The following PLD5 variants were observed in gnomAD, a reference collection of about 807,000 sequenced individuals.
PLD5 encodes the protein phospholipase D family member 5.
In PLD5, 36 loss-of-function variants were observed where a neutral mutation model predicts 61.1. The ratio of observed to expected loss-of-function variants is 0.59; its 90% CI spans 0.45 to 0.78. The LOEUF (loss-of-function observed/expected upper bound fraction) is 0.78, where lower values mean the gene tolerates loss of function less well. Among genes scored for constraint, PLD5 ranks in the 30% least tolerant of loss-of-function variants. The pLI is 0.00. For missense variants in PLD5, 515 were observed against 644.4 expected (o/e 0.80, Z 2.17); for synonymous variants, 243 against 242.8 (o/e 1.00, Z -0.01).
At chr1:242,405,912 C>A in intron 1 of PLD5, among the ~76,000 whole-genome samples, 1 of 124,222 alleles carries the variant, frequency 8.1e-6, no homozygotes, top group Non-Finnish European at 1.6e-5. Flanking sequence ...CTATATGATA[C>A]TTTTGACCTA....
chr1:242,427,137 T>G (rs553481960), intron 1 of PLD5, among the ~76,000 whole-genome samples: 1 of 152,302 alleles, frequency 6.6e-6, no homozygotes, highest in South Asian at 2.1e-4. Flanking sequence ...ATAAACTCAC[T>G]GATATTTTGA....
At chr1:242,168,774 G>A (rs913232550) in intron 5 of PLD5, among the ~76,000 whole-genome samples, 1 of 146,450 alleles carries the variant, frequency 6.8e-6, no homozygotes, top group African/African-American at 2.5e-5. Flanking sequence ...AATAGCAGTT[G>A]TTTAAAGGTA....
At chr1:242,385,003 T>C (rs1169460010) in intron 1 of PLD5, among the ~76,000 whole-genome samples, 1 of 152,196 alleles carries the variant, frequency 6.6e-6, no homozygotes, top group Admixed American at 6.5e-5. Flanking sequence ...GATATTCTTT[T>C]GTGCCAAAAA....
chr1:242,217,023 T>C (rs999852894), intron 5 of PLD5, among the ~76,000 whole-genome samples: 1 of 152,254 alleles, frequency 6.6e-6, no homozygotes, highest in African/African-American at 2.4e-5. Context: ...CATGGCTTAC[T>C]GAATATTTTA....
intron 5 of PLD5, among the ~76,000 whole-genome samples, chr1:242,197,189 C>T (rs1668685813): frequency 6.6e-6 from 1 of 152,174 alleles, no homozygotes; most frequent in Non-Finnish European, 1.5e-5. Flanking sequence ...CCCTGCCTTC[C>T]TCCCCTTCCT....
intron 5 of PLD5, among the ~76,000 whole-genome samples, chr1:242,197,687 TG>T (rs1379803642): frequency 6.6e-6 from 1 of 151,262 alleles, no homozygotes; most frequent in Non-Finnish European, 1.5e-5. Context: ...CAGGCTGGAA[TG>T]CAATGATGCG....
chr1:242,274,469 C>G (rs1227756793), intron 3 of PLD5, among the ~76,000 whole-genome samples: 3 of 152,150 alleles, frequency 2.0e-5, no homozygotes. Flanking sequence ...GAAAAGCAAG[C>G]CTTGGCCAGG....
chr1:242,241,948 T>A (rs392351), intron 4 of PLD5, among the ~76,000 whole-genome samples: 1 of 130,602 alleles, frequency 7.7e-6, no homozygotes, highest in Admixed American at 8.3e-5. Context: ...ATATATATAC[T>A]ACTTATATAT....
chr1:242,228,140 G>A (rs1188238074), intron 4 of PLD5, among the ~76,000 whole-genome samples: 8 of 152,182 alleles, frequency 5.3e-5, no homozygotes, highest in Non-Finnish European at 1.2e-4. Flanking sequence ...AAGATGGGAG[G>A]AAATGAGCAA....
chr1:242,441,790 G>T (rs1033561388), intron 1 of PLD5, among the ~76,000 whole-genome samples: 5 of 151,932 alleles, frequency 3.3e-5, no homozygotes, highest in Non-Finnish European at 7.4e-5. Context: ...CATTGTACTT[G>T]GCAACTCTTC....
intron 7 of PLD5, 24 bp downstream of exon 7, chr1:242,113,866 A>G (rs1661736867): frequency 6.2e-7 from 1 of 1,609,508 alleles, no homozygotes; most frequent in Non-Finnish European, 8.5e-7. Flanking sequence ...CTGGGTTCTA[A>G]CCAGAGGCTG....
At chr1:242,332,046 C>A (rs539843237) in intron 2 of PLD5, among the ~76,000 whole-genome samples, 1 of 152,102 alleles carries the variant, frequency 6.6e-6, no homozygotes. Context: ...AGCCTCCCAC[C>A]CCCTGACAGA....
chr1:242,431,795 C>G (rs2102889760), intron 1 of PLD5, among the ~76,000 whole-genome samples: 1 of 152,314 alleles, frequency 6.6e-6, no homozygotes, highest in South Asian at 2.1e-4. Context: ...ACCAGATGTC[C>G]TAAGTACTCT....
intron 2 of PLD5, among the ~76,000 whole-genome samples, chr1:242,337,464 C>T (rs546175193): frequency 4.7e-4 from 71 of 152,104 alleles, no homozygotes; most frequent in African/African-American, 1.6e-3. Context: ...AACCCCGTCT[C>T]TACTAAAAAT....
chr1:242,297,974 G>T (rs745661911), intron 2 of PLD5, among the ~76,000 whole-genome samples: 8 of 152,192 alleles, frequency 5.3e-5, no homozygotes, highest in Non-Finnish European at 8.8e-5. Flanking sequence ...TTTTATAACC[G>T]ATTACTGTCA....
intron 5 of PLD5, among the ~76,000 whole-genome samples, chr1:242,153,935 G>T (rs1222172458): frequency 2.0e-5 from 3 of 152,084 alleles, no homozygotes; most frequent in Non-Finnish European, 4.4e-5. Context: ...AAATTACTTT[G>T]GGCAGTATGG....
At chr1:242,398,320 G>A (rs1163128925) in intron 1 of PLD5, among the ~76,000 whole-genome samples, 9 of 152,106 alleles carry the variant, frequency 5.9e-5, no homozygotes, top group East Asian at 3.9e-4. Flanking sequence ...TACCAAACTC[G>A]TAAGGTTGAA....
intron 1 of PLD5, among the ~76,000 whole-genome samples, chr1:242,519,325 G>A (rs1239505878): frequency 6.6e-6 from 1 of 152,188 alleles, no homozygotes. Context: ...CAGGAGGCAA[G>A]TGTGCACTTG....
rs142209567 is a variant in PLD5, at chr1:242,104,193, T to C, written c.1240-3411A>G. On this transcript the variant is annotated intron_variant, in intron 8 of 9. Transcript: ENST00000536534. ...GAGTGCAGTGGCAATCATAGGTCAC[T>C]GCAGCCTTGAACTCCTAGGCTAAAG... Among the ~76,000 whole-genome samples, 15 of 152,162 alleles carry C rather than the reference T, an allele frequency of 9.9e-5. No individual in the cohort carries two copies. In the East Asian group the frequency reaches 2.9e-3, roughly 29 times the overall value.
Sources: gnomAD v4.1 joint callset for allele counts (sites outside exome capture counted in the v4.1 genomes callset) on GRCh38, gnomAD v4.1.1 for gene constraint, MANE v1.5 for transcripts, NCBI Gene and HGNC (gene_info 2026-07-23, HGNC 2026-07-21) for gene names.